The following CACNB2 variants were observed in gnomAD, a reference collection of about 807,000 sequenced individuals.
CACNB2 encodes the protein voltage-dependent L-type calcium channel subunit beta-2.
Under a neutral mutation model 73.3 loss-of-function variants are expected in CACNB2, and 42 were observed. The observed-to-expected ratio is 0.57, with a 90% CI of 0.45 to 0.74. CACNB2 has a LOEUF of 0.74. Among genes scored for constraint, CACNB2 ranks in the 30% least tolerant of loss-of-function variants. The pLI is 0.00. For missense variants in CACNB2, 940 were observed against 853.0 expected, an observed-to-expected ratio of 1.10 and a Z score of -1.27; for synonymous variants, 348 against 310.3, an observed-to-expected ratio of 1.12 and a Z score of -1.28.
intron 2 of CACNB2, among the ~76,000 whole-genome samples, chr10:18,383,632 A>G (rs1004111766): frequency 3.3e-5 from 5 of 152,214 alleles, no homozygotes; most frequent in South Asian, 2.1e-4. Context: ...AAATAAATAC[A>G]TAAGTATGTA....
chr10:18,462,278 G>A (rs1348563983), intron 3 of CACNB2, among the ~76,000 whole-genome samples: 4 of 152,320 alleles, frequency 2.6e-5, no homozygotes, highest in Admixed American at 2.0e-4. Flanking sequence ...GATTGAGACA[G>A]CGTCTCACTC....
chr10:18,429,800 T>C (rs1225499389), intron 3 of CACNB2, among the ~76,000 whole-genome samples: 1 of 110,212 alleles, frequency 9.1e-6, no homozygotes, highest in Non-Finnish European at 1.8e-5. Context: ...CAAGACTCCG[T>C]CTCTACCGAA....
chr10:18,194,992 T>G (rs1205884412), intron 2 of CACNB2, among the ~76,000 whole-genome samples: 1 of 152,214 alleles, frequency 6.6e-6, no homozygotes, highest in Non-Finnish European at 1.5e-5. Flanking sequence ...TCAATGAGGC[T>G]GATTCTTAGG....
intron 2 of CACNB2, among the ~76,000 whole-genome samples, chr10:18,219,031 G>A (rs1564352198): frequency 6.6e-6 from 1 of 152,082 alleles, no homozygotes; most frequent in African/African-American, 2.4e-5. Flanking sequence ...CAGGTGTAAT[G>A]GTGTGCACCT....
intron 2 of CACNB2, among the ~76,000 whole-genome samples, chr10:18,223,340 G>C (rs1010053914): frequency 6.6e-6 from 1 of 152,122 alleles, no homozygotes; most frequent in Admixed American, 6.5e-5. Flanking sequence ...CATTAAAGAG[G>C]CTAGTCAGTA....
chr10:18,525,417 A>G (rs1274407957), intron 9 of CACNB2, among the ~76,000 whole-genome samples: 1 of 152,092 alleles, frequency 6.6e-6, no homozygotes, highest in African/African-American at 2.4e-5. Flanking sequence ...TGCTTATGGA[A>G]TTCTGATTGA....
chr10:18,308,749 G>A (rs563061829), intron 2 of CACNB2, among the ~76,000 whole-genome samples: 6 of 152,178 alleles, frequency 3.9e-5, no homozygotes, highest in Non-Finnish European at 7.3e-5. Context: ...AGCCAGCAAC[G>A]TTACAGAAGG....
chr10:18,444,129 A>C (rs890124313), intron 3 of CACNB2, among the ~76,000 whole-genome samples: 1 of 152,118 alleles, frequency 6.6e-6, no homozygotes, highest in Non-Finnish European at 1.5e-5. Context: ...TCAAATGTTG[A>C]AATCCTAACG....
intron 3 of CACNB2, 90 bp from the exon 4 acceptor site, chr10:18,498,265 G>T: frequency 6.8e-7 from 1 of 1,472,854 alleles, no homozygotes; most frequent in Non-Finnish European, 9.4e-7. Flanking sequence ...GATTACAGTA[G>T]TTATTCAGTA....
chr10:18,447,803 T>A (rs2132581437), intron 3 of CACNB2, among the ~76,000 whole-genome samples: 1 of 152,044 alleles, frequency 6.6e-6, no homozygotes, highest in African/African-American at 2.4e-5. Flanking sequence ...TTAATGAAAG[T>A]TTAGAGGAAG....
intron 3 of CACNB2, among the ~76,000 whole-genome samples, chr10:18,446,899 TA>T (rs1240274679): frequency 6.6e-6 from 1 of 151,860 alleles, no homozygotes; most frequent in Non-Finnish European, 1.5e-5. Context: ...ACCCTGTCTC[TA>T]AAAAAATAAA....
intron 4 of CACNB2, 94 bp downstream of exon 4, chr10:18,498,571 C>T: frequency 8.1e-7 from 1 of 1,233,522 alleles, no homozygotes; most frequent in Non-Finnish European, 1.2e-6. Flanking sequence ...TGTGAAGTAG[C>T]ATTGCACATC....
intron 2 of CACNB2, among the ~76,000 whole-genome samples, chr10:18,265,050 G>C (rs1346862907): frequency 6.6e-6 from 1 of 151,808 alleles, no homozygotes; most frequent in African/African-American, 2.4e-5. Flanking sequence ...TGTCTGATGA[G>C]TATGTCAGAG....
intron 2 of CACNB2, chr10:18,234,168 C>G (rs543208070): frequency 6.6e-6 from 1 of 152,388 alleles, no homozygotes; most frequent in Non-Finnish European, 1.5e-5. Flanking sequence ...CACCTTGGTC[C>G]GAGGCTGTCG....
intron 3 of CACNB2, among the ~76,000 whole-genome samples, chr10:18,408,545 C>G (rs1255355852): frequency 1.3e-5 from 2 of 151,902 alleles, no homozygotes; most frequent in Non-Finnish European, 2.9e-5. Context: ...GGCCATACCC[C>G]CAACTTCTTA....
Position 18,539,567 on chromosome 10 carries a change from C to A in CACNB2, c.1826C>A (p.Ser609Tyr). The change falls in exon 14 of 14, where the codon TCC (serine) becomes TAC (tyrosine). Residue 609 changes from serine (S) to tyrosine (Y), a missense_variant. Physicochemically the swap from Ser to Tyr is moderately radical, Grantham distance 144. Transcript: ENST00000324631. ...DHRHRESRHR[S>Y]RDVDREQDHN... ...AGACACAGGGAGTCCCGGCACCGTT[C>A]CCGGGACGTGGATCGAGAGCAGGAC... 6.2e-7 allele frequency: 1 copy of A among 1,613,730 alleles called. No individual in the cohort carries two copies. The highest frequency in any genetic ancestry group is 8.5e-7 in the Non-Finnish European group (1 of 1,179,968).
In CACNB2 at chr10:18,220,229, A is replaced by G. The variant is rs1234205569; in HGVS notation, c.213+69254A>G. ...TATATATATATATATATATATATAT[A>G]TATAGAGAGAGAGAGAGAGAGAGAG... On this transcript the variant is annotated intron_variant, in intron 2 of 13. Transcript: ENST00000324631. Among the ~76,000 whole-genome samples the G allele has an allele frequency of 2.2e-4, 11 of 49,606 alleles. No individual in the cohort carries two copies. In the East Asian group the frequency reaches 7.6e-3, roughly 34 times the overall value. 32.5% of individuals were successfully genotyped at this position (49,606 alleles called of 152,430 possible).
At chr10:18,427,416 C>T (rs989454925) in intron 3 of CACNB2, among the ~76,000 whole-genome samples, 1 of 151,922 alleles carries the variant, frequency 6.6e-6, no homozygotes, top group Non-Finnish European at 1.5e-5. Context: ...TATGTATAAT[C>T]ATGAGGGAAA....
chr10:18,389,969 GT>G (rs2043393681), intron 2 of CACNB2, among the ~76,000 whole-genome samples: 1 of 152,074 alleles, frequency 6.6e-6, no homozygotes, highest in Non-Finnish European at 1.5e-5. Context: ...ATCAATTAGT[GT>G]GCCTTTTATA....
Sources: gnomAD v4.1 joint callset for allele counts (sites outside exome capture counted in the v4.1 genomes callset) on GRCh38, gnomAD v4.1.1 for gene constraint, MANE v1.5 for transcripts, NCBI Gene and HGNC (gene_info 2026-07-23, HGNC 2026-07-21) for gene names.